The following BDP1 variants were observed in gnomAD, a reference collection of about 807,000 sequenced individuals.
The protein encoded by BDP1 is transcription factor TFIIIB component B'' homolog.
A neutral mutation model predicts 266.6 loss-of-function variants in BDP1; 169 were observed. That is an observed-to-expected ratio of 0.63 (90% CI 0.56 to 0.72). The LOEUF is 0.72. Among genes scored for constraint, BDP1 ranks in the 30% least tolerant of loss-of-function variants. BDP1 has a pLI of 0.00. For synonymous variants in BDP1, 1,090 were observed against 1,022.4 expected, an observed-to-expected ratio of 1.07 and a Z score of -1.26; for missense variants, 3,015 against 3,053.8, an observed-to-expected ratio of 0.99 and a Z score of 0.30.
chr5:71,477,164 T>A (rs1762641523), intron 7 of BDP1, among the ~76,000 whole-genome samples: 1 of 151,858 alleles, frequency 6.6e-6, no homozygotes, highest in Admixed American at 6.6e-5. Context: ...CCTTTCCTTT[T>A]CTTTTTTTTT....
chr5:71,467,254 G>A (rs1761959268), intron 5 of BDP1, 100 bp from the exon 6 acceptor site: 1 of 957,642 alleles, frequency 1.0e-6, no homozygotes, highest in South Asian at 1.7e-5. Flanking sequence ...CCTTTGATAT[G>A]ATTGCCATGC....
chr5:71,538,741 A>G (rs1351508524), intron 26 of BDP1, among the ~76,000 whole-genome samples: 1 of 152,240 alleles, frequency 6.6e-6, no homozygotes, highest in East Asian at 1.9e-4. Context: ...GAGTTGAAGG[A>G]TTATGAAAAT....
chr5:71,476,886 G>A (rs1343721144), intron 7 of BDP1, among the ~76,000 whole-genome samples: 1 of 152,126 alleles, frequency 6.6e-6, no homozygotes, highest in Non-Finnish European at 1.5e-5. Flanking sequence ...CGTATTTTTA[G>A]TAGAGACGGG....
Position 71,549,418 on chromosome 5 carries a change from A to G in BDP1, c.6809-2A>G, listed in dbSNP as rs777466033. ...TTATTACTAACTTTTAAACTTTGAT[A>G]GTGAATCTAGTTGCTAATGTACCTC... On this transcript the variant is annotated splice_acceptor_variant, in intron 33 of 38. Transcript: ENST00000358731. LOFTEE classifies it high-confidence loss of function. 1.9e-5 allele frequency: 31 copies of G among 1,603,826 alleles called. No individual in the cohort carries two copies. The Admixed American group carries it at 4.3e-4, about 22-fold the overall frequency.
intron 34 of BDP1, among the ~76,000 whole-genome samples, chr5:71,551,157 C>G (rs557586398): frequency 6.6e-6 from 1 of 151,340 alleles, no homozygotes; most frequent in Non-Finnish European, 1.5e-5. Context: ...GTGTTTCTCG[C>G]AGAGGGGGAT....
At chr5:71,542,314 A>T in intron 30 of BDP1, 49 bp downstream of exon 30, 1 of 1,452,010 alleles carries the variant, frequency 6.9e-7, no homozygotes, top group South Asian at 1.3e-5. Context: ...GACACAAGAA[A>T]TTACATTAAC....
intron 22 of BDP1, among the ~76,000 whole-genome samples, chr5:71,521,743 G>A (rs984753593): frequency 9.9e-5 from 15 of 152,158 alleles, no homozygotes; most frequent in Non-Finnish European, 1.6e-4. Flanking sequence ...AGATACAGAC[G>A]GATTATATTG....
chr5:71,490,264 C>G (rs1763508138), intron 10 of BDP1, among the ~76,000 whole-genome samples: 1 of 152,126 alleles, frequency 6.6e-6, no homozygotes, highest in South Asian at 2.1e-4. Context: ...AACAACCTTT[C>G]TATAAAATTT....
intron 9 of BDP1, among the ~76,000 whole-genome samples, chr5:71,488,562 G>A (rs757890143): frequency 2.6e-5 from 4 of 151,762 alleles, no homozygotes; most frequent in Non-Finnish European, 4.4e-5. Flanking sequence ...CCAAGTAGCT[G>A]GGATTACAGG....
At chr5:71,514,049 G>A (rs1296513443) in intron 19 of BDP1, among the ~76,000 whole-genome samples, 1 of 151,980 alleles carries the variant, frequency 6.6e-6, no homozygotes, top group East Asian at 1.9e-4. Context: ...TCACTCTCTT[G>A]TGAAGGTGAA....
intron 9 of BDP1, among the ~76,000 whole-genome samples, chr5:71,487,128 C>G (rs537349561): frequency 1.3e-5 from 2 of 152,266 alleles, no homozygotes; most frequent in South Asian, 4.1e-4. Context: ...TATTTGAACT[C>G]TGGTCTATAA....
At chr5:71,574,230 A>G in the BDP1 span, among the ~76,000 whole-genome samples, 1 of 152,354 alleles carries the variant, frequency 6.6e-6, no homozygotes, top group East Asian at 1.9e-4. Context: ...GCCAGATCTC[A>G]GGACAGAAAG....
rs1170475725 is a variant in BDP1, at chr5:71,567,786, A to C, written c.*2901A>C. 6.6e-6 allele frequency: 1 copy of C among 152,484 alleles called. No individual in the cohort carries two copies. The highest frequency in any genetic ancestry group is 2.4e-5 in the African/African-American group (1 of 41,446). The allele number at this position is 152,484 out of a possible 1,614,324, so 9.4% of individuals were successfully genotyped here. On this transcript the variant is annotated 3_prime_UTR_variant, in exon 39 of 39. Coordinates refer to ENST00000358731, the MANE Select transcript of BDP1 (RefSeq NM_018429.3). ...TTCTAAAGAAAGCAGTTATATATAT[A>C]TATAAATTATGTAAATAAAAGTTAT...
At chr5:71,549,213 G>A (rs756438229) in intron 33 of BDP1, among the ~76,000 whole-genome samples, 7 of 152,190 alleles carry the variant, frequency 4.6e-5, no homozygotes, top group African/African-American at 1.4e-4. Context: ...ATTTCAGCCC[G>A]GGCGACAGAG....
intron 13 of BDP1, among the ~76,000 whole-genome samples, chr5:71,498,758 C>G (rs1384113323): frequency 1.3e-5 from 2 of 150,386 alleles, no homozygotes; most frequent in African/African-American, 4.9e-5. Flanking sequence ...GGATCTCGCC[C>G]AGTCGCCCAG....
intron 35 of BDP1, 110 bp from the exon 36 acceptor site, chr5:71,556,776 C>G (rs1439725054): frequency 1.9e-6 from 1 of 539,498 alleles, no homozygotes; most frequent in Non-Finnish European, 3.2e-6. Flanking sequence ...CCTCTAAGAG[C>G]TTTTTGGGAG....
In BDP1 at chr5:71,509,827, G is replaced by A; in HGVS notation, c.2735G>A (p.Arg912Lys). ...GCAATGGGAAGAGAGATTTGTCTAA[G>A]GGAGAAGACGCCAGAGGTGATTGAT... ...LKAMGREICL[R>K]EKTPEVIDAT... The change falls in exon 17 of 39, where the codon AGG becomes AAG. Residue 912 changes from arginine (R) to lysine (K), a missense_variant. This residue lies in a region of BDP1 where 2,383 missense variants were observed against 2,404.9 expected (regional missense o/e 0.99). Transcript: ENST00000358731. The A allele has an allele frequency of 6.2e-7, 1 of 1,614,028 alleles. No individual in the cohort carries two copies. Among genetic ancestry groups the A allele is most frequent in the Non-Finnish European group, 8.5e-7 (1 of 1,179,986 alleles).
chr5:71,576,473 C>T, the BDP1 span, among the ~76,000 whole-genome samples: 2 of 152,218 alleles, frequency 1.3e-5, no homozygotes, highest in Non-Finnish European at 2.9e-5. Flanking sequence ...CTTATTAAGT[C>T]TTGGTTATAT....
At position 71,455,885 on chromosome 5, in the gene BDP1, G is replaced by T; in HGVS notation, c.8G>T (p.Arg3Leu). Reference protein sequence around the residue: MFRRARLSVKPNV... With the variant: MFLRARLSVKPNV... ...GGGCCCCCTGCCTCCGCCATGTTCC[G>T]CAGGGCACGCCTTAGCGTGAAGCCG... The change falls in exon 1 of 39, where the codon CGC becomes CTC. Residue 3 changes from arginine (R) to leucine (L), a missense_variant. Physicochemically the swap from Arg to Leu is moderately radical, Grantham distance 102. Around this residue, in one of 3 missense-constraint regions of BDP1, gnomAD observed 2,383 missense variants for 2,404.9 expected, o/e 0.99. Coordinates refer to ENST00000358731, the MANE Select transcript of BDP1 (RefSeq NM_018429.3). The T allele has an allele frequency of 6.3e-7, 1 of 1,585,728 alleles. No individual in the cohort carries two copies.
Sources: allele counts gnomAD v4.1 joint callset (sites outside exome capture counted in the v4.1 genomes callset), GRCh38; gene constraint gnomAD v4.1.1; regional missense constraint gnomAD v4.1.1; transcripts MANE v1.5; gene names NCBI Gene and HGNC (gene_info 2026-07-23, HGNC 2026-07-21).